Variants in FRMD3 observed in about 807,000 individuals in gnomAD.
FRMD3 encodes FERM domain containing 3.
In FRMD3, 33 loss-of-function variants were observed where a neutral mutation model predicts 70.2. The ratio of observed to expected loss-of-function variants is 0.47; its 90% CI spans 0.36 to 0.63. FRMD3 has a LOEUF of 0.63. FRMD3 is among the 20% of genes least tolerant of loss of function. The probability of loss-of-function intolerance (pLI) is 0.00; values close to 1 mark genes in which losing one functional copy is unlikely to be tolerated. For missense variants in FRMD3, 632 were observed against 711.4 expected (o/e 0.89, Z 1.27); for synonymous variants, 279 against 255.9 (o/e 1.09, Z -0.86).
the FRMD3 span, among the ~76,000 whole-genome samples, chr9:83,548,319 A>G: frequency 6.6e-6 from 1 of 152,216 alleles, no homozygotes; most frequent in African/African-American, 2.4e-5. Flanking sequence ...ATTAGAAGCA[A>G]CCAATATGTC....
chr9:83,561,971 G>A, the FRMD3 span, among the ~76,000 whole-genome samples: 248 of 152,282 alleles, frequency 1.6e-3, no homozygotes, highest in Non-Finnish European at 3.1e-3. Flanking sequence ...ATGAGGCAGG[G>A]AACATATCTT....
intron 3 of FRMD3, among the ~76,000 whole-genome samples, chr9:83,357,242 C>CATAT (rs1824400264): frequency 7.5e-5 from 1 of 13,248 alleles, no homozygotes; most frequent in Non-Finnish European, 1.1e-4. Context: ...ATATATAATA[C>CATAT]ATACATATAT....
intron 1 of FRMD3, among the ~76,000 whole-genome samples, chr9:83,417,811 T>C (rs1826499741): frequency 6.6e-6 from 1 of 151,990 alleles, no homozygotes; most frequent in East Asian, 1.9e-4. Flanking sequence ...GACCAAGACA[T>C]ATAGAAAACC....
At chr9:83,337,624 C>T (rs539162685) in intron 5 of FRMD3, among the ~76,000 whole-genome samples, 7 of 152,254 alleles carry the variant, frequency 4.6e-5, no homozygotes, top group South Asian at 4.1e-4. Flanking sequence ...ATTAGAAGAA[C>T]CTGATGACCA....
chr9:83,387,009 T>C (rs1825530924), intron 2 of FRMD3, among the ~76,000 whole-genome samples: 1 of 152,192 alleles, frequency 6.6e-6, no homozygotes, highest in Non-Finnish European at 1.5e-5. Context: ...GTGATGTTAA[T>C]CTTGGTATCT....
intron 5 of FRMD3, among the ~76,000 whole-genome samples, chr9:83,341,178 A>G (rs552718690): frequency 6.6e-6 from 1 of 152,252 alleles, no homozygotes; most frequent in South Asian, 2.1e-4. Flanking sequence ...ACCTTTATGA[A>G]CCACTTTTAC....
At chr9:83,434,889 C>A (rs917861079) in intron 1 of FRMD3, among the ~76,000 whole-genome samples, 1 of 138,934 alleles carries the variant, frequency 7.2e-6, no homozygotes, top group Non-Finnish European at 1.5e-5. Context: ...TGCAGTGGCA[C>A]GATCTCGGCT....
intron 1 of FRMD3, among the ~76,000 whole-genome samples, chr9:83,391,414 A>G (rs2131300165): frequency 6.6e-6 from 1 of 152,316 alleles, no homozygotes. Flanking sequence ...CTCACCAAAC[A>G]TAACATAGGA....
chr9:83,356,511 CG>C (rs1335120153), intron 3 of FRMD3, among the ~76,000 whole-genome samples: 3 of 151,598 alleles, frequency 2.0e-5, no homozygotes, highest in Non-Finnish European at 2.9e-5. Context: ...CTCCTGACTT[CG>C]TGATCCGCCC....
the FRMD3 span, among the ~76,000 whole-genome samples, chr9:83,566,701 G>C: frequency 6.6e-6 from 1 of 152,298 alleles, no homozygotes; most frequent in African/African-American, 2.4e-5. Flanking sequence ...CCAAAATCCA[G>C]TGGGGTGGTC....
chr9:83,377,117 A>C (rs1825173920), intron 2 of FRMD3, among the ~76,000 whole-genome samples: 1 of 152,220 alleles, frequency 6.6e-6, no homozygotes, highest in Admixed American at 6.5e-5. Context: ...GCCATGAAAT[A>C]ATCACTAAGA....
chr9:83,343,802 T>C (rs1018794073), intron 4 of FRMD3, among the ~76,000 whole-genome samples: 3 of 152,228 alleles, frequency 2.0e-5, no homozygotes, highest in Non-Finnish European at 4.4e-5. Flanking sequence ...AACTAACTGA[T>C]TCACAACTAG....
chr9:83,502,495 C>T (rs916480552), intron 1 of FRMD3, among the ~76,000 whole-genome samples: 110 of 152,186 alleles, frequency 7.2e-4, no homozygotes, highest in African/African-American at 2.6e-3. Flanking sequence ...GTACACTGTG[C>T]GAAAGTCAGA....
At chr9:83,463,150 G>A (rs1053342690) in intron 1 of FRMD3, among the ~76,000 whole-genome samples, 1 of 152,140 alleles carries the variant, frequency 6.6e-6, no homozygotes, top group Non-Finnish European at 1.5e-5. Flanking sequence ...CAATCAGCAA[G>A]CATTTTGTTC....
chr9:83,456,049 A>G (rs1251030742), intron 1 of FRMD3, among the ~76,000 whole-genome samples: 3 of 152,164 alleles, frequency 2.0e-5, no homozygotes, highest in Non-Finnish European at 2.9e-5. Context: ...TCCTGCCCTC[A>G]CCCACAAGCC....
At chr9:83,336,409 A>G (rs1452059311) in intron 5 of FRMD3, among the ~76,000 whole-genome samples, 1 of 151,486 alleles carries the variant, frequency 6.6e-6, no homozygotes, top group Non-Finnish European at 1.5e-5. Flanking sequence ...TACCACCTTT[A>G]GATGGAAACC....
At chr9:83,504,648 G>T (rs1007108037) in intron 1 of FRMD3, among the ~76,000 whole-genome samples, 6 of 151,820 alleles carry the variant, frequency 4.0e-5, no homozygotes, top group Admixed American at 3.9e-4. Context: ...CCTTATCAGG[G>T]ACACCTTCCC....
intron 6 of FRMD3, among the ~76,000 whole-genome samples, chr9:83,316,617 A>C (rs1437105666): frequency 6.6e-6 from 1 of 152,246 alleles, no homozygotes; most frequent in African/African-American, 2.4e-5. Flanking sequence ...ATATGTATAT[A>C]GAGAATATCT....
intron 1 of FRMD3, among the ~76,000 whole-genome samples, chr9:83,446,570 C>A (rs572228206): frequency 7.0e-6 from 1 of 142,152 alleles, no homozygotes; most frequent in African/African-American, 2.7e-5. Flanking sequence ...TGGCGTGAAA[C>A]GGGGAGGCAG....
Sources: allele counts gnomAD v4.1 joint callset (sites outside exome capture counted in the v4.1 genomes callset), GRCh38; gene constraint gnomAD v4.1.1; transcripts MANE v1.5; gene names NCBI Gene and HGNC (gene_info 2026-07-23, HGNC 2026-07-21).